PID1: variants seen among roughly 807,000 people sequenced by gnomAD.
PID1 encodes the protein PTB-containing, cubilin and LRP1-interacting protein.
Under a neutral mutation model 19.1 loss-of-function variants are expected in PID1, and 10 were observed. The observed-to-expected ratio is 0.52, with a 90% confidence interval of 0.32 to 0.89. The LOEUF (loss-of-function observed/expected upper bound fraction) is 0.89. Among genes scored for constraint, PID1 ranks in the 40% least tolerant of loss-of-function variants. PID1 has a pLI of 0.03. For synonymous variants in PID1, 130 were observed against 116.0 expected, an observed-to-expected ratio of 1.12 and a Z score of -0.78; for missense variants, 248 against 285.3, an observed-to-expected ratio of 0.87 and a Z score of 0.94.
chr2:229,153,691 G>GA lies in PID1; in HGVS notation c.177+2126dup, dbSNP rs1257956711. Among the ~76,000 whole-genome samples the GA allele has an allele frequency of 2.0e-5, 3 of 152,164 alleles. No individual in the cohort carries two copies. The East Asian group carries it at 5.8e-4, about 29-fold the overall frequency. On this transcript the variant is annotated intron_variant, in intron 2 of 2. Coordinates refer to ENST00000392055, the MANE Select transcript of PID1 (RefSeq NM_001100818.2). The stretch of plus-strand genomic sequence containing the variant: ...GACATGAACCCTATAATCCTTTTCA[G>GA]AAAAATGATGGTTTTTATTCTAGCA...
intron 1 of PID1, among the ~76,000 whole-genome samples, chr2:229,222,607 T>C (rs146995647): frequency 1.1e-4 from 16 of 152,158 alleles, no homozygotes; most frequent in African/African-American, 3.6e-4. Context: ...GTCAGTAAAA[T>C]TGAGTGAAGC....
In PID1 at chr2:229,055,261, T is replaced by C. The variant is rs796802560; in HGVS notation, c.178-29153A>G. Among the ~76,000 whole-genome samples, 23 of 152,292 alleles carry C rather than the reference T, an allele frequency of 1.5e-4. 1 individual carries two copies. The highest frequency in any genetic ancestry group is 5.3e-4 in the African/African-American group (22 of 41,562). ...CTCGACATGGCCTCCTTTTGCAACC[T>C]TTCCTTCTCCTCATGGGCAGCTGAC... On this transcript the variant is annotated intron_variant, in intron 2 of 2. Transcript: ENST00000392055.
At chr2:229,197,441 AAAGAG>A (rs1391311987) in intron 1 of PID1, among the ~76,000 whole-genome samples, 3 of 152,038 alleles carry the variant, frequency 2.0e-5, no homozygotes, top group Non-Finnish European at 4.4e-5. Flanking sequence ...ATAAACTCAA[AAAGAG>A]AAGATACATT....
intron 2 of PID1, among the ~76,000 whole-genome samples, chr2:229,027,242 A>C (rs1341769094): frequency 6.6e-6 from 1 of 152,218 alleles, no homozygotes; most frequent in East Asian, 1.9e-4. Flanking sequence ...TTGTGACAAG[A>C]GTAGTCCCTT....
chr2:229,265,093 G>A (rs1025825221), intron 1 of PID1, among the ~76,000 whole-genome samples: 1 of 152,276 alleles, frequency 6.6e-6, no homozygotes, highest in East Asian at 1.9e-4. Flanking sequence ...GCTAGTAAGC[G>A]ATTGTGTCAA....
intron 1 of PID1, among the ~76,000 whole-genome samples, chr2:229,197,095 C>A (rs564662974): frequency 6.6e-6 from 1 of 152,040 alleles, no homozygotes; most frequent in South Asian, 2.1e-4. Flanking sequence ...AGATAACATA[C>A]TATCAAAATA....
chr2:229,149,867 C>T lies in PID1; in HGVS notation c.177+5951G>A, dbSNP rs371470703. Among the ~76,000 whole-genome samples the T allele has an allele frequency of 1.5e-4, 23 of 152,140 alleles. No homozygotes were observed. The South Asian group carries it at 3.5e-3, about 23-fold the overall frequency. On this transcript the variant is annotated intron_variant, in intron 2 of 2. Coordinates refer to ENST00000392055, the MANE Select transcript of PID1 (RefSeq NM_001100818.2). ...CAAAGGACAAAGGAACAAGCGCTGC[C>T]GGATAGGCTGCAGAATCAAGACATG...
At chr2:229,030,285 A>G (rs1293742416) in intron 2 of PID1, among the ~76,000 whole-genome samples, 1 of 152,178 alleles carries the variant, frequency 6.6e-6, no homozygotes, top group Non-Finnish European at 1.5e-5. Flanking sequence ...TTACTGTTCA[A>G]TGGGTGCAGA....
In PID1 at chr2:229,110,802, T is replaced by C. The variant is rs376954097; in HGVS notation, c.177+45016A>G. ...CAGGAAGGATGCATAGTCAGTGCCA[T>C]GACACATCTTCCTCTTCTGCACGTC... On this transcript the variant is annotated intron_variant, in intron 2 of 2. Coordinates refer to ENST00000392055, the MANE Select transcript of PID1 (RefSeq NM_001100818.2). Among the ~76,000 whole-genome samples, 44 of 152,260 alleles carry C rather than the reference T, an allele frequency of 2.9e-4. 1 individual carries two copies. Among genetic ancestry groups the C allele is most frequent in the African/African-American group, 1.0e-3 (43 of 41,562 alleles).
chr2:229,140,701 TCA>T (rs1689993312), intron 2 of PID1, among the ~76,000 whole-genome samples: 2 of 152,138 alleles, frequency 1.3e-5, no homozygotes, highest in African/African-American at 2.4e-5. Context: ...GAGAAATCCA[TCA>T]TAATAACAAG....
rs372246072 is a variant in PID1, at chr2:229,180,279, T to C, written c.31-24315A>G. Among the ~76,000 whole-genome samples the C allele has an allele frequency of 5.3e-5, 8 of 152,316 alleles. No individual in the cohort carries two copies. The South Asian group carries it at 1.7e-3, about 32-fold the overall frequency. ...ATGTCCTACATAATTTTAAGTGTTA[T>C]AAATATTGCAGTTAGTTGGGAATTA... On this transcript the variant is annotated intron_variant, in intron 1 of 2. Coordinates refer to ENST00000392055, the MANE Select transcript of PID1 (RefSeq NM_001100818.2).
intron 2 of PID1, among the ~76,000 whole-genome samples, chr2:229,108,263 AT>A (rs1176322752): frequency 6.6e-6 from 1 of 152,176 alleles, no homozygotes; most frequent in Non-Finnish European, 1.5e-5. Flanking sequence ...GCTTTAATGT[AT>A]TTTTTAACTC....
intron 1 of PID1, among the ~76,000 whole-genome samples, chr2:229,236,979 CACACACAT>C (rs201449593): frequency 0.063 from 3,306 of 52,798 alleles, 50 homozygotes; most frequent in Non-Finnish European, 0.073. Flanking sequence ...TTCTCCTTTA[CACACACAT>C]ACACACACAC....
At chr2:229,110,803 G>A (rs1695282138) in intron 2 of PID1, among the ~76,000 whole-genome samples, 1 of 152,122 alleles carries the variant, frequency 6.6e-6, no homozygotes, top group African/African-American at 2.4e-5. Context: ...TCAGTGCCAT[G>A]ACACATCTTC....
At chr2:229,144,416 T>G (rs1690083104) in intron 2 of PID1, among the ~76,000 whole-genome samples, 1 of 152,158 alleles carries the variant, frequency 6.6e-6, no homozygotes, top group South Asian at 2.1e-4. Flanking sequence ...AACATATTGA[T>G]AGTCATACGC....
At chr2:229,216,152 C>T (rs543553367) in intron 1 of PID1, among the ~76,000 whole-genome samples, 1 of 152,292 alleles carries the variant, frequency 6.6e-6, no homozygotes, top group South Asian at 2.1e-4. Context: ...CCTTGTGATT[C>T]CACTGGCAGA....
rs987957276 is a variant in PID1 at position 229,155,450 on chromosome 2, G to A, written c.177+368C>T. On this transcript the variant is annotated intron_variant, in intron 2 of 2. Coordinates refer to ENST00000392055, the MANE Select transcript of PID1 (RefSeq NM_001100818.2). ...GCATGGTGGCGGGTGCCTGTAGCCTGTAGTCCCAGCTACTCAGGAGGCTGA... is the reference window on the plus strand; with the variant it reads ...GCATGGTGGCGGGTGCCTGTAGCCTATAGTCCCAGCTACTCAGGAGGCTGA... Among the ~76,000 whole-genome samples, 4 of 152,148 alleles carry A rather than the reference G, an allele frequency of 2.6e-5. No individual in the cohort carries two copies. In the East Asian group the frequency reaches 5.8e-4, roughly 22 times the overall value.
At chr2:229,218,724 G>T (rs543227682) in intron 1 of PID1, among the ~76,000 whole-genome samples, 1 of 152,116 alleles carries the variant, frequency 6.6e-6, no homozygotes. Context: ...AGAAGGAGTG[G>T]ACTGATGGAC....
At chr2:229,162,494 T>C (rs2106201619) in intron 1 of PID1, among the ~76,000 whole-genome samples, 1 of 152,358 alleles carries the variant, frequency 6.6e-6, no homozygotes, top group Non-Finnish European at 1.5e-5. Context: ...TCCTTGCATG[T>C]TGAAGACAGA....
Sources: allele counts gnomAD v4.1 joint callset (sites outside exome capture counted in the v4.1 genomes callset), GRCh38; gene constraint gnomAD v4.1.1; transcripts MANE v1.5; gene names NCBI Gene and HGNC (gene_info 2026-07-23, HGNC 2026-07-21).